The following IGF2 variants were observed in gnomAD, a reference collection of about 807,000 sequenced individuals.
IGF2 encodes the protein insulin like growth factor 2, also known as insulin-like growth factor 2.
In IGF2, 2 loss-of-function variants were observed where a neutral mutation model predicts 12.0. The ratio of observed to expected loss-of-function variants is 0.17; its 90% CI spans 0.07 to 0.52. IGF2 has a LOEUF of 0.52. Among genes scored for constraint, IGF2 ranks in the 20% least tolerant of loss-of-function variants. The pLI, the probability that IGF2 is intolerant of heterozygous loss-of-function variation, is 0.95. For missense variants in IGF2, 211 were observed against 268.0 expected, an observed-to-expected ratio of 0.79 and a Z score of 1.48; for synonymous variants, 105 against 110.1, an observed-to-expected ratio of 0.95 and a Z score of 0.29.
chr11:2,144,079 T>C (rs1230465572), upstream of IGF2, among the ~76,000 whole-genome samples: 2 of 82,002 alleles, frequency 2.4e-5, no homozygotes, highest in Non-Finnish European at 5.1e-5. Flanking sequence ...TTTTCTTCCT[T>C]TTGCTTTTAT....
chr11:2,133,530 G>A lies in IGF2; in HGVS notation c.293C>T (p.Pro98Leu), dbSNP rs143785521. 1.4e-5 allele frequency: 22 copies of A among 1,611,814 alleles called. No individual in the cohort carries two copies. The highest frequency in any genetic ancestry group is 4.0e-5 in the African/African-American group (3 of 74,872). Reference sequence around the variant, plus strand: ...CAGGACCCTCACCGGAAGCACGGTCGGAGGGGTCGACACGTCCCTCTCGGA... The same window carrying A: ...CAGGACCCTCACCGGAAGCACGGTCAGAGGGGTCGACACGTCCCTCTCGGA... ...AKSERDVSTPPTVLPDNFPRY... is the reference protein window; with the variant it reads ...AKSERDVSTPLTVLPDNFPRY... The change falls in exon 3 of 4, where the codon CCG (proline) becomes CTG (leucine). Residue 98 changes from proline (P) to leucine (L), a missense_variant. By Grantham distance (98) the Pro-to-Leu change is moderately conservative. Transcript: ENST00000416167. The surrounding 1 kb of genome is among the most constrained non-coding windows in gnomAD (Gnocchi z 8.9).
In IGF2 at chr11:2,139,036, G is replaced by T; in HGVS notation, c.-814C>A. On this transcript the variant is annotated 5_prime_UTR_variant, in exon 1 of 4. Transcript: ENST00000416167. ...AAAGGGGAGCGGCCCGAGGCTGCGC[G>T]CCGGGGGGAGGGCTGGAGGGGGAGC... The T allele has an allele frequency of 1.3e-6, 1 of 784,806 alleles. No homozygotes were observed. The highest frequency in any genetic ancestry group is 1.5e-6 in the Non-Finnish European group (1 of 664,278). 48.6% of individuals were successfully genotyped at this position (784,806 alleles called of 1,614,324 possible). A position where few individuals can be genotyped will look rare whatever the true frequency, so the allele number is the denominator to read the frequency against.
Position 2,138,959 on chromosome 11 carries a change from G to C in IGF2, c.-737C>G, listed in dbSNP as rs909453584. ...CTCTGCCGTCGCGAGCCCGGGCCTC[G>C]GGAGGGGGACAGGCGGTGGCGGCAC... is the stretch of plus-strand genomic sequence containing the variant. On this transcript the variant is annotated 5_prime_UTR_variant, in exon 1 of 4. Transcript: ENST00000416167. The C allele has an allele frequency of 2.0e-6, 2 of 982,386 alleles. No homozygotes were observed. The highest frequency in any genetic ancestry group is 2.4e-6 in the Non-Finnish European group (2 of 827,558). 60.9% of individuals were successfully genotyped at this position (982,386 alleles called of 1,614,324 possible).
Position 2,132,543 on chromosome 11 carries a change from A to G in IGF2, c.*444T>C. On this transcript the variant is annotated 3_prime_UTR_variant, in exon 4 of 4. Coordinates refer to ENST00000416167, the MANE Select transcript of IGF2 (RefSeq NM_000612.6). ...TTGTTTCTCAGCCAATTCGTTTTTAATACTTTTTTTTTTTAGCCAATTGAT... is the reference window on the plus strand; with the variant it reads ...TTGTTTCTCAGCCAATTCGTTTTTAGTACTTTTTTTTTTTAGCCAATTGAT... 1 of 204,454 alleles carries G rather than the reference A, an allele frequency of 4.9e-6. No individual in the cohort carries two copies. The allele number at this position is 204,454 out of a possible 1,614,324, so 12.7% of individuals were successfully genotyped here. A position where few individuals can be genotyped will look rare whatever the true frequency, so the allele number is the denominator to read the frequency against.
intron 2 of IGF2, 110 bp downstream of exon 2, chr11:2,135,257 C>A (rs941669108): frequency 4.0e-6 from 4 of 1,005,190 alleles, no homozygotes; most frequent in East Asian, 2.8e-5. Flanking sequence ...TCAGAGCAAG[C>A]GGCTGGGCTG....
upstream of IGF2, chr11:2,139,518 C>A (rs1162589796): frequency 6.8e-6 from 1 of 146,396 alleles, no homozygotes; most frequent in Non-Finnish European, 1.5e-5. Flanking sequence ...CCCCGGCCCG[C>A]CCCCGCAACC....
chr11:2,134,433 C>T (rs1322590122), intron 2 of IGF2, among the ~76,000 whole-genome samples: 1 of 152,258 alleles, frequency 6.6e-6, no homozygotes, highest in African/African-American at 2.4e-5. Context: ...CCACTTCCTA[C>T]CCCCAAATGG....
chr11:2,129,839 C>T lies in IGF2; in HGVS notation c.*3148G>A, dbSNP rs572906158. On this transcript the variant is annotated 3_prime_UTR_variant, in exon 4 of 4. Transcript: ENST00000416167. This position sits in a 1 kb window ranked among gnomAD's most constrained non-coding sequence, Gnocchi z 8.1. ...GGGGCGAGGTAAACCTCCCAGAGGCCGAGTCCCTGCCGCAGCCCTAGGCGC... is the reference window on the plus strand; with the variant it reads ...GGGGCGAGGTAAACCTCCCAGAGGCTGAGTCCCTGCCGCAGCCCTAGGCGC... 11 of 232,292 alleles carry T rather than the reference C, an allele frequency of 4.7e-5. No individual in the cohort carries two copies. The highest frequency in any genetic ancestry group is 6.1e-5 in the East Asian group (1 of 16,468). The allele number at this position is 232,292 out of a possible 1,614,324, so 14.4% of individuals were successfully genotyped here.
upstream of IGF2, chr11:2,140,834 G>A (rs964098720): frequency 3.0e-6 from 1 of 331,526 alleles, no homozygotes; most frequent in Non-Finnish European, 5.8e-6. Flanking sequence ...AGGCGGAGGG[G>A]ATCGGCGCGG....
chr11:2,139,048 G>T lies in IGF2; in HGVS notation c.-826C>A. On this transcript the variant is annotated 5_prime_UTR_variant, in exon 1 of 4. Coordinates refer to ENST00000416167, the MANE Select transcript of IGF2 (RefSeq NM_000612.6). ...CCCGAGGCTGCGCGCCGGGGGGAGGGCTGGAGGGGGAGCGCGGGGGGGGGT... is the reference window on the plus strand; with the variant it reads ...CCCGAGGCTGCGCGCCGGGGGGAGGTCTGGAGGGGGAGCGCGGGGGGGGGT... The T allele has an allele frequency of 3.4e-6, 2 of 588,346 alleles. No individual in the cohort carries two copies. The highest frequency in any genetic ancestry group is 4.2e-6 in the Non-Finnish European group (2 of 478,716). The allele number at this position is 588,346 out of a possible 1,614,324, so 36.4% of individuals were successfully genotyped here. A position where few individuals can be genotyped will look rare whatever the true frequency, so the allele number is the denominator to read the frequency against.
the IGF2 span, chr11:2,146,281 AC>A: frequency 3.7e-6 from 2 of 535,230 alleles, no homozygotes; most frequent in Non-Finnish European, 7.7e-6. Context: ...CGTCCGTGGG[AC>A]CAAGCCCAGC....
upstream of IGF2, chr11:2,140,238 A>G (rs1321512747): frequency 5.6e-6 from 9 of 1,613,040 alleles, no homozygotes; most frequent in African/African-American, 8.0e-5. Context: ...TTGGACTTGC[A>G]TAGACGCGAG....
rs374335327 is a variant in IGF2 at position 2,131,870 on chromosome 11, CGTGTGTGCTGTGCGTTT to C, written c.*1100_*1116del. The C allele has an allele frequency of 0.041, 3,746 of 92,240 alleles. 209 individuals carry two copies. Among genetic ancestry groups the C allele is most frequent in the African/African-American group, 0.16 (3,329 of 21,374 alleles). The allele number at this position is 92,240 out of a possible 1,614,324, so 5.7% of individuals were successfully genotyped here. On this transcript the variant is annotated 3_prime_UTR_variant, in exon 4 of 4. Transcript: ENST00000416167. ...TGTGCTCGTGTGTGTGCTGTGTGTGCGTGTGTGCTGTGCGTTTGTGTGTGCTGTGCGTTTGTGTGTGT... is the reference window on the plus strand; with the variant it reads ...TGTGCTCGTGTGTGTGCTGTGTGTGCGTGTGTGCTGTGCGTTTGTGTGTGT...
chr11:2,147,350 G>T, the IGF2 span: 1 of 385,744 alleles, frequency 2.6e-6, no homozygotes, highest in Non-Finnish European at 4.6e-6. The surrounding 1 kb of genome is among the most constrained non-coding windows in gnomAD (Gnocchi z 7.2). Flanking sequence ...GTGCCGTGGA[G>T]ACTGCGGGGA....
chr11:2,141,621 C>T (rs1859603645), upstream of IGF2, among the ~76,000 whole-genome samples: 1 of 152,136 alleles, frequency 6.6e-6, no homozygotes, highest in African/African-American at 2.4e-5. Flanking sequence ...CAAACACATT[C>T]TTGGTGTGTT....
chr11:2,147,436 T>G, the IGF2 span: 1 of 416,226 alleles, frequency 2.4e-6, no homozygotes, highest in East Asian at 3.6e-5. The surrounding 1 kb of genome is among the most constrained non-coding windows in gnomAD (Gnocchi z 7.2). Flanking sequence ...AGATCCCAGC[T>G]GTGTGACTGA....
In IGF2 at chr11:2,129,408, C is replaced by G. The variant is rs1331827709; in HGVS notation, c.*3579G>C. Reference sequence around the variant, plus strand: ...CTAGGCACGGAGGTCAGACAGGCAGCCCGGGCCAGGATGGTTAGTGGCCCA... The same window carrying G: ...CTAGGCACGGAGGTCAGACAGGCAGGCCGGGCCAGGATGGTTAGTGGCCCA... On this transcript the variant is annotated 3_prime_UTR_variant, in exon 4 of 4. Transcript: ENST00000416167. The surrounding 1 kb of genome is among the most constrained non-coding windows in gnomAD (Gnocchi z 8.1). The G allele has an allele frequency of 8.7e-6, 2 of 229,344 alleles. No homozygotes were observed. Among genetic ancestry groups the G allele is most frequent in the African/African-American group, 2.2e-5 (1 of 45,060 alleles). 14.2% of individuals were successfully genotyped at this position (229,344 alleles called of 1,614,324 possible).
At position 2,131,685 on chromosome 11, in the gene IGF2, CTG is replaced by C. The variant is rs770911134; in HGVS notation, c.*1300_*1301del. The C allele has an allele frequency of 2.7e-3, 417 of 156,240 alleles. 1 individual carries two copies. Among genetic ancestry groups the C allele is most frequent in the African/African-American group, 9.9e-3 (294 of 29,648 alleles). 9.7% of individuals were successfully genotyped at this position (156,240 alleles called of 1,614,324 possible). Reference sequence around the variant, plus strand: ...TGCGTGTGCTGTGTGCATGTGTGTGCTGTGTTTGTGTGTGTGCTGTGTGTGCT... The same window carrying C: ...TGCGTGTGCTGTGTGCATGTGTGTGCTGTTTGTGTGTGTGCTGTGTGTGCT... On this transcript the variant is annotated 3_prime_UTR_variant, in exon 4 of 4. Coordinates refer to ENST00000416167, the MANE Select transcript of IGF2 (RefSeq NM_000612.6).
At chr11:2,134,090 C>A in intron 2 of IGF2, 1 of 478,306 alleles carries the variant, frequency 2.1e-6, no homozygotes, top group South Asian at 1.7e-5. Context: ...GCTGGAGGGG[C>A]CCACACCACC....
Sources: gnomAD v4.1 joint callset for allele counts (sites outside exome capture counted in the v4.1 genomes callset) on GRCh38, gnomAD v4.1.1 for gene constraint, Gnocchi (gnomAD v3.1) non-coding constraint, MANE v1.5 for transcripts, NCBI Gene and HGNC (gene_info 2026-07-23, HGNC 2026-07-21) for gene names.